The following CSMD1 variants were observed in gnomAD, a reference collection of about 807,000 sequenced individuals.
CSMD1 encodes the protein CUB and sushi domain-containing protein 1.
CSMD1 carries 213 observed loss-of-function variants against 417.5 expected under a neutral mutation model. That is an observed-to-expected ratio of 0.51 (90% CI 0.46 to 0.57). The LOEUF is 0.57. Ranked by LOEUF, CSMD1 falls within the 20% of genes least tolerant of loss-of-function variation. The pLI is 0.00. For synonymous variants in CSMD1, 2,862 were observed against 1,736.8 expected, an observed-to-expected ratio of 1.65 and a Z score of -16.11; for missense variants, 6,923 against 4,529.7, an observed-to-expected ratio of 1.53 and a Z score of -15.17.
At chr8:3,459,381 A>G (rs1283783545) in intron 12 of CSMD1, among the ~76,000 whole-genome samples, 1 of 152,196 alleles carries the variant, frequency 6.6e-6, no homozygotes, top group Admixed American at 6.5e-5. Context: ...CGCACGGTGG[A>G]TCCTTCTCAT....
chr8:2,980,581 C>G (rs1805319879), intron 54 of CSMD1, among the ~76,000 whole-genome samples: 1 of 151,352 alleles, frequency 6.6e-6, no homozygotes, highest in African/African-American at 2.5e-5. Context: ...GCAGTAACAA[C>G]AGGATCCAGT....
At chr8:3,714,692 G>A (rs1178789906) in intron 6 of CSMD1, among the ~76,000 whole-genome samples, 1 of 151,944 alleles carries the variant, frequency 6.6e-6, no homozygotes, top group African/African-American at 2.4e-5. Context: ...AGCCGAAACG[G>A]TGCCACTGTA....
intron 21 of CSMD1, among the ~76,000 whole-genome samples, chr8:3,355,156 G>A (rs1808699248): frequency 6.6e-6 from 1 of 151,366 alleles, no homozygotes; most frequent in Non-Finnish European, 1.5e-5. Flanking sequence ...AGTTAATACA[G>A]TTAATCAATA....
Position 2,998,123 on chromosome 8 carries a change from G to A in CSMD1, c.8265C>T (p.Asn2755=). The change falls in exon 54 of 70, where the codon AAC becomes AAT. Residue 2755 remains asparagine, a synonymous_variant. Transcript: ENST00000635120. ...AHGFTNGSEF[N]LNDVVNFTCN... ...AGGTGAAATTCACGACATCATTCAG[G>A]TTGAACTCACTGCCATTAGTGAATC... The A allele has an allele frequency of 6.2e-7, 1 of 1,614,024 alleles. No homozygotes were observed. The highest frequency in any genetic ancestry group is 8.5e-7 in the Non-Finnish European group (1 of 1,179,878).
Position 3,108,622 on chromosome 8 carries a change from G to T in CSMD1, c.6735C>A (p.Phe2245Leu). The T allele has an allele frequency of 6.2e-7, 1 of 1,613,818 alleles. No individual in the cohort carries two copies. The highest frequency in any genetic ancestry group is 8.5e-7 in the Non-Finnish European group (1 of 1,179,854). ...KFHSDFSNGGFFVLNFHAFQL... is the reference protein window; with the variant it reads ...KFHSDFSNGGLFVLNFHAFQL... ...ACTGACCGTGGAAATTGAGGACAAA[G>T]AAGCCTCCATTTGAAAAGTCGCTGT... Residue 2245 changes from phenylalanine (F) to leucine (L), a missense_variant, in exon 44 of 70, where the codon TTC becomes TTA. Coordinates refer to ENST00000635120, the MANE Select transcript of CSMD1 (RefSeq NM_033225.6).
chr8:4,115,582 T>C (rs1378967305), intron 3 of CSMD1, among the ~76,000 whole-genome samples: 1 of 152,200 alleles, frequency 6.6e-6, no homozygotes, highest in Non-Finnish European at 1.5e-5. Context: ...GGAACTTAAC[T>C]GATCATACAT....
chr8:4,959,115 G>C (rs1026242926), intron 1 of CSMD1, among the ~76,000 whole-genome samples: 7 of 152,088 alleles, frequency 4.6e-5, no homozygotes, highest in Non-Finnish European at 4.4e-5. Flanking sequence ...TTTTAATATA[G>C]ATTTTTAAAG....
At chr8:4,564,840 G>T (rs550191085) in intron 2 of CSMD1, among the ~76,000 whole-genome samples, 1 of 152,300 alleles carries the variant, frequency 6.6e-6, no homozygotes, top group African/African-American at 2.4e-5. Context: ...GATGCGTCCA[G>T]CATTTACTTT....
chr8:4,136,020 T>C (rs1647351), intron 3 of CSMD1, among the ~76,000 whole-genome samples: 22,462 of 152,138 alleles, frequency 0.15, 2,205 homozygotes, highest in Non-Finnish European at 0.22. Context: ...TCAAAAAATA[T>C]TATGGGTAAA....
chr8:4,123,768 G>C (rs1368994259), intron 3 of CSMD1, among the ~76,000 whole-genome samples: 1 of 152,136 alleles, frequency 6.6e-6, no homozygotes, highest in Admixed American at 6.5e-5. Flanking sequence ...ATAATTTACT[G>C]ATGATGAAGT....
intron 1 of CSMD1, among the ~76,000 whole-genome samples, chr8:4,716,461 C>T (rs975895440): frequency 6.6e-6 from 1 of 152,128 alleles, no homozygotes; most frequent in South Asian, 2.1e-4. Flanking sequence ...CAGAATTTTT[C>T]AGTTATTAAT....
At chr8:4,536,712 G>C (rs562480593) in intron 2 of CSMD1, among the ~76,000 whole-genome samples, 13 of 152,172 alleles carry the variant, frequency 8.5e-5, no homozygotes, top group African/African-American at 1.9e-4. Context: ...AAAAAGTTTT[G>C]AGTATATGCC....
chr8:4,956,704 A>G (rs60986142), intron 1 of CSMD1, among the ~76,000 whole-genome samples: 12,288 of 152,172 alleles, frequency 0.081, 759 homozygotes, highest in African/African-American at 0.17. Flanking sequence ...AGTATGATGA[A>G]CTTAATGTTC....
At chr8:3,434,744 G>A (rs1446412007) in intron 12 of CSMD1, among the ~76,000 whole-genome samples, 1 of 152,108 alleles carries the variant, frequency 6.6e-6, no homozygotes, top group Non-Finnish European at 1.5e-5. Context: ...AACATCCGCA[G>A]ATAGCTTGTC....
chr8:4,149,668 G>A lies in CSMD1; in HGVS notation c.416-117569C>T, dbSNP rs561537100. Among the ~76,000 whole-genome samples, 3 of 152,312 alleles carry A rather than the reference G, an allele frequency of 2.0e-5. No individual in the cohort carries two copies. In the East Asian group the frequency reaches 5.8e-4, roughly 29 times the overall value. On this transcript the variant is annotated intron_variant, in intron 3 of 69. Transcript: ENST00000635120. ...ACCTACAGAATGGAGGATGCTAAGTGCTACACTGAAGGAATAAACAATGCT... is the reference window on the plus strand; with the variant it reads ...ACCTACAGAATGGAGGATGCTAAGTACTACACTGAAGGAATAAACAATGCT...
At chr8:3,477,850 G>T (rs1449550030) in intron 11 of CSMD1, among the ~76,000 whole-genome samples, 1 of 152,182 alleles carries the variant, frequency 6.6e-6, no homozygotes, top group South Asian at 2.1e-4. Flanking sequence ...GGTAGTTACA[G>T]ATTCCATGTT....
chr8:3,682,376 G>A (rs1018378406), intron 7 of CSMD1, among the ~76,000 whole-genome samples: 1 of 152,146 alleles, frequency 6.6e-6, no homozygotes, highest in Non-Finnish European at 1.5e-5. Context: ...CAACAAGTGG[G>A]TGAAGGACAT....
intron 1 of CSMD1, among the ~76,000 whole-genome samples, chr8:4,732,384 G>T (rs576934628): frequency 0.023 from 1,039 of 45,304 alleles, 12 homozygotes; most frequent in Middle Eastern, 0.1. Flanking sequence ...TGTGTGTGTA[G>T]TGTTTTTCCC....
At chr8:3,636,824 T>C (rs1486689714) in intron 7 of CSMD1, among the ~76,000 whole-genome samples, 1 of 152,170 alleles carries the variant, frequency 6.6e-6, no homozygotes, top group Non-Finnish European at 1.5e-5. Context: ...CTTTATTTTT[T>C]GCTATATGAG....
Sources: allele counts gnomAD v4.1 joint callset (sites outside exome capture counted in the v4.1 genomes callset), GRCh38; gene constraint gnomAD v4.1.1; transcripts MANE v1.5; gene names NCBI Gene and HGNC (gene_info 2026-07-23, HGNC 2026-07-21).